The following SORCS1 variants were observed in gnomAD, a reference collection of about 807,000 sequenced individuals.
SORCS1 encodes VPS10 domain-containing receptor SorCS1.
SORCS1 carries 60 observed loss-of-function variants against 146.1 expected under a neutral mutation model. That is an observed-to-expected ratio of 0.41 (90% CI 0.33 to 0.51). The LOEUF is 0.51. Among genes scored for constraint, SORCS1 ranks in the 20% least tolerant of loss-of-function variants. The pLI, the probability that SORCS1 is intolerant of heterozygous loss-of-function variation, is 0.21. For missense variants in SORCS1, 1,352 were observed against 1,487.6 expected (o/e 0.91, Z 1.50); for synonymous variants, 637 against 584.0 (o/e 1.09, Z -1.31).
chr10:106,821,385 T>C (rs1021234442), intron 3 of SORCS1, among the ~76,000 whole-genome samples: 1 of 152,222 alleles, frequency 6.6e-6, no homozygotes, highest in African/African-American at 2.4e-5. Flanking sequence ...TACCTATTTA[T>C]TGAGCTAGCT....
intron 5 of SORCS1, among the ~76,000 whole-genome samples, chr10:106,752,263 T>G (rs774603055): frequency 6.6e-6 from 1 of 152,176 alleles, no homozygotes; most frequent in Non-Finnish European, 1.5e-5. Flanking sequence ...AGAAAGAGAT[T>G]TCTTTTGTCC....
chr10:106,589,721 GCTCCAC>G (rs1285721981), intron 24 of SORCS1, among the ~76,000 whole-genome samples: 1 of 123,884 alleles, frequency 8.1e-6, no homozygotes. Flanking sequence ...AAAAAAACAA[GCTCCAC>G]CTCCCAGGTC....
At chr10:106,958,694 A>G (rs1955080830) in intron 1 of SORCS1, among the ~76,000 whole-genome samples, 2 of 152,266 alleles carry the variant, frequency 1.3e-5, no homozygotes, top group South Asian at 4.2e-4. Context: ...TCTTTAGCAA[A>G]ACGTGAGCAT....
At chr10:106,844,842 T>C (rs1419957206) in intron 2 of SORCS1, among the ~76,000 whole-genome samples, 1 of 148,928 alleles carries the variant, frequency 6.7e-6, no homozygotes, top group Non-Finnish European at 1.5e-5. Flanking sequence ...TTTGGTTTTT[T>C]GTTCTTGCGA....
intron 11 of SORCS1, 94 bp from the exon 12 acceptor site, chr10:106,679,426 C>A (rs1852274335): frequency 1.8e-6 from 2 of 1,105,728 alleles, no homozygotes; most frequent in Admixed American, 2.0e-5. Context: ...AAGATTTTGA[C>A]TGCAAGCATT....
At chr10:106,929,814 C>G (rs1239744970) in intron 2 of SORCS1, among the ~76,000 whole-genome samples, 2 of 152,094 alleles carry the variant, frequency 1.3e-5, no homozygotes, top group African/African-American at 2.4e-5. Flanking sequence ...AATCAGAGCA[C>G]TTGGTTGCTG....
chr10:106,840,460 T>C (rs1006705572), intron 2 of SORCS1, among the ~76,000 whole-genome samples: 1 of 151,624 alleles, frequency 6.6e-6, no homozygotes, highest in East Asian at 1.9e-4. Flanking sequence ...TTGCTTCTTA[T>C]GGATAAGCAA....
intron 1 of SORCS1, among the ~76,000 whole-genome samples, chr10:107,004,112 C>G (rs1332005035): frequency 7.2e-6 from 1 of 139,348 alleles, no homozygotes; most frequent in Non-Finnish European, 1.5e-5. Flanking sequence ...GGAGGCGGAG[C>G]TGGCACTGAG....
chr10:106,636,569 T>A (rs1848736103), intron 18 of SORCS1, among the ~76,000 whole-genome samples: 1 of 152,124 alleles, frequency 6.6e-6, no homozygotes, highest in African/African-American at 2.4e-5. Context: ...TAGGAGGAAC[T>A]GTCAAATACT....
chr10:106,726,991 C>T (rs540787007), intron 6 of SORCS1, among the ~76,000 whole-genome samples: 4 of 151,400 alleles, frequency 2.6e-5, no homozygotes, highest in Non-Finnish European at 5.9e-5. Flanking sequence ...GAGGCTGAGG[C>T]AGGAGAATGG....
intron 2 of SORCS1, among the ~76,000 whole-genome samples, chr10:106,938,663 T>A (rs1300841579): frequency 6.6e-6 from 1 of 152,222 alleles, no homozygotes; most frequent in Non-Finnish European, 1.5e-5. Flanking sequence ...AGCAACCATT[T>A]GAGTAACAGT....
chr10:106,589,332 G>A (rs1445896622), intron 24 of SORCS1, among the ~76,000 whole-genome samples: 1 of 152,108 alleles, frequency 6.6e-6, no homozygotes, highest in Non-Finnish European at 1.5e-5. Context: ...TACCTATTCT[G>A]TCTTAGAAGA....
intron 1 of SORCS1, among the ~76,000 whole-genome samples, chr10:107,122,653 C>G (rs559133842): frequency 1.3e-5 from 2 of 151,964 alleles, no homozygotes; most frequent in Non-Finnish European, 2.9e-5. Context: ...AGCATGATGG[C>G]ACCTCTGTGT....
chr10:107,057,938 C>T (rs1960804806), intron 1 of SORCS1, among the ~76,000 whole-genome samples: 2 of 152,196 alleles, frequency 1.3e-5, no homozygotes, highest in African/African-American at 2.4e-5. Flanking sequence ...GTGGCTGCAG[C>T]CTCCCAAGAA....
At chr10:107,176,934 A>G in the SORCS1 span, among the ~76,000 whole-genome samples, 6 of 152,182 alleles carry the variant, frequency 3.9e-5, no homozygotes, top group Non-Finnish European at 7.4e-5. Flanking sequence ...CTTAATTTGT[A>G]CTTACTAAGA....
At chr10:106,639,998 C>A (rs1286660630) in intron 18 of SORCS1, among the ~76,000 whole-genome samples, 2 of 151,334 alleles carry the variant, frequency 1.3e-5, no homozygotes, top group African/African-American at 2.4e-5. Flanking sequence ...AGCCTGGCAA[C>A]AGGGTGTGTC....
chr10:106,690,545 C>T (rs1260099548), intron 9 of SORCS1, among the ~76,000 whole-genome samples: 14 of 152,206 alleles, frequency 9.2e-5, no homozygotes, highest in Non-Finnish European at 1.9e-4. Flanking sequence ...CCCCCGACTG[C>T]TTGGCATTAT....
chr10:106,669,266 CA>C (rs1369621556), intron 16 of SORCS1, among the ~76,000 whole-genome samples: 3 of 151,970 alleles, frequency 2.0e-5, no homozygotes, highest in African/African-American at 2.4e-5. Flanking sequence ...ACAACAACAA[CA>C]AAAGACTGGC....
rs938583733 is a variant in SORCS1 at position 107,164,528 on chromosome 10, G to C, written c.-2C>G. 1.4e-5 allele frequency: 19 copies of C among 1,346,004 alleles called. No homozygotes were observed. Among genetic ancestry groups the C allele is most frequent in the Non-Finnish European group, 1.7e-5 (18 of 1,056,600 alleles). The allele number at this position is 1,346,004 out of a possible 1,614,324, so 83.4% of individuals were successfully genotyped here. On this transcript the variant is annotated 5_prime_UTR_variant, in exon 1 of 26. Coordinates refer to ENST00000263054, the MANE Select transcript of SORCS1 (RefSeq NM_052918.5). The surrounding 1 kb of genome is among the most constrained non-coding windows in gnomAD (Gnocchi z 6.8). ...GCCGCCGGCGCCAACTTTTCCCATC[G>C]CGGGAGCGAAGAGCAGCGGAGAGAG...
Sources: gnomAD v4.1 joint callset for allele counts (sites outside exome capture counted in the v4.1 genomes callset) on GRCh38, gnomAD v4.1.1 for gene constraint, Gnocchi (gnomAD v3.1) non-coding constraint, MANE v1.5 for transcripts, NCBI Gene and HGNC (gene_info 2026-07-23, HGNC 2026-07-21) for gene names.